The following HPS3 variants were observed in gnomAD, a reference collection of about 807,000 sequenced individuals.
HPS3 encodes BLOC-2 complex member HPS3.
Under a neutral mutation model 110.9 loss-of-function variants are expected in HPS3, and 79 were observed. The observed-to-expected ratio is 0.71, with a 90% CI of 0.59 to 0.86. The LOEUF (loss-of-function observed/expected upper bound fraction) is 0.86. Ranked by LOEUF, HPS3 falls within the 40% of genes least tolerant of loss-of-function variation. The probability of loss-of-function intolerance (pLI) is 0.00; values close to 1 mark genes in which losing one functional copy is unlikely to be tolerated. For missense variants in HPS3, 1,197 were observed against 1,206.2 expected (o/e 0.99, Z 0.11); for synonymous variants, 428 against 451.0 (o/e 0.95, Z 0.65).
rs748434915 is a variant in HPS3 at position 149,140,023 on chromosome 3, TGAA to T, written c.240_242del (p.Glu81del). ...TCTCAGGAGATTATTTGGTAGCAAT[TGAA>T]GAGAAAAACAAAGCTACATTTCTAC... is the stretch of plus-strand genomic sequence containing the variant. On this transcript the variant is annotated inframe_deletion, in exon 2 of 17. Coordinates refer to ENST00000296051, the MANE Select transcript of HPS3 (RefSeq NM_032383.5). 1.2e-6 allele frequency: 2 copies of T among 1,613,118 alleles called. No individual in the cohort carries two copies. Among genetic ancestry groups the T allele is most frequent in the Admixed American group, 3.3e-5 (2 of 59,890 alleles).
At chr3:149,145,585 T>C (rs751825965) in intron 5 of HPS3, 39 bp downstream of exon 5, 1 of 1,537,942 alleles carries the variant, frequency 6.5e-7, no homozygotes. Context: ...GTGAGTCACT[T>C]ATTTGTAAAT....
At chr3:149,142,727 A>G (rs1722550237) in intron 4 of HPS3, among the ~76,000 whole-genome samples, 2 of 152,214 alleles carry the variant, frequency 1.3e-5, no homozygotes, top group Admixed American at 6.5e-5. Context: ...TAGGGAACTA[A>G]CAGTGAGTGA....
chr3:149,142,715 A>G (rs1022056500), intron 4 of HPS3, among the ~76,000 whole-genome samples: 1 of 152,232 alleles, frequency 6.6e-6, no homozygotes. Context: ...TGTGCTGAAT[A>G]CTAGGGAACT....
rs1725060294 is a variant in HPS3 at position 149,172,181 on chromosome 3, C to A, written c.2974C>A (p.Pro992Thr). 1 of 1,613,134 alleles carries A rather than the reference C, an allele frequency of 6.2e-7. No individual in the cohort carries two copies. The change falls in exon 17 of 17, where the codon CCA becomes ACA. Residue 992 changes from proline (P) to threonine (T), a missense_variant. Pro to Thr is a conservative substitution (Grantham distance 38, BLOSUM62 -1). Coordinates refer to ENST00000296051, the MANE Select transcript of HPS3 (RefSeq NM_032383.5). ...AGATGGTACTGCAACATTTTTCTTG[C>A]CATATCTTCTCTATTGCAGTCGAAA... is the stretch of plus-strand genomic sequence containing the variant. ...PEDGTATFFL[P>T]YLLYCSRKKP... is the part of the protein sequence containing the mutation.
At chr3:149,163,062 A>G (rs770058731) in intron 13 of HPS3, among the ~76,000 whole-genome samples, 184 bp downstream of exon 13, 2 of 152,162 alleles carry the variant, frequency 1.3e-5, no homozygotes, top group Non-Finnish European at 2.9e-5. Flanking sequence ...ATTTTAAATA[A>G]TTTTGTACTC....
chr3:149,141,347 C>G lies in HPS3; in HGVS notation c.937C>G (p.His313Asp), dbSNP rs1722437310. Reference sequence around the variant, plus strand: ...TGTCTTGTCTGATGACATCAAGCTACATTCCCTCCAGCTGCTACCCATTTA... The same window carrying G: ...TGTCTTGTCTGATGACATCAAGCTAGATTCCCTCCAGCTGCTACCCATTTA... ...SYVLSDDIKL[H>D]SLQLLPIYQT... Residue 313 changes from histidine to aspartate, a missense_variant, in exon 4 of 17, where the codon CAT becomes GAT. Physicochemically the swap from His to Asp is moderately conservative, Grantham distance 81. Transcript: ENST00000296051. 1.2e-6 allele frequency: 2 copies of G among 1,613,820 alleles called. No individual in the cohort carries two copies. The highest frequency in any genetic ancestry group is 1.7e-5 in the Admixed American group (1 of 59,988).
chr3:149,167,334 C>A, intron 15 of HPS3, 94 bp downstream of exon 15: 2 of 944,738 alleles, frequency 2.1e-6, no homozygotes, highest in Non-Finnish European at 3.3e-6. Context: ...ACAATTTATG[C>A]TAATCCAACA....
At chr3:149,138,597 A>G (rs533473710) in intron 1 of HPS3, among the ~76,000 whole-genome samples, 3 of 152,342 alleles carry the variant, frequency 2.0e-5, no homozygotes, top group East Asian at 1.9e-4. Context: ...AGGGTATGGT[A>G]AAACATGCCA....
rs1722414894 is a variant in HPS3 at position 149,141,109 on chromosome 3, G to A, written c.805G>A (p.Gly269Arg). Residue 269 changes from glycine to arginine, a missense_variant, in exon 3 of 17, where the codon GGA becomes AGA. Physicochemically the swap from Gly to Arg is moderately radical, Grantham distance 125. Transcript: ENST00000296051. The stretch of plus-strand genomic sequence containing the variant: ...TCTTGGTGAAAAAAGTGAACAGTCT[G>A]GATTATCTGTTACACTGGAGTCTAC... The part of the protein sequence containing the change: ...ELLGEKSEQS[G>R]LSVTLESTGL... 1.9e-6 allele frequency: 3 copies of A among 1,612,940 alleles called. No individual in the cohort carries two copies. The highest frequency in any genetic ancestry group is 2.5e-6 in the Non-Finnish European group (3 of 1,179,672).
At chr3:149,149,539 G>C (rs934769363) in intron 5 of HPS3, among the ~76,000 whole-genome samples, 2 of 152,150 alleles carry the variant, frequency 1.3e-5, no homozygotes, top group African/African-American at 4.8e-5. Flanking sequence ...AGAGAGGCCT[G>C]ACTACCTCTT....
intron 16 of HPS3, among the ~76,000 whole-genome samples, chr3:149,169,749 T>C (rs1724794078): frequency 6.6e-6 from 1 of 152,222 alleles, no homozygotes; most frequent in Admixed American, 6.5e-5. Flanking sequence ...TTGGTTGTTT[T>C]AGGGAAATAT....
intron 5 of HPS3, 134 bp downstream of exon 5, chr3:149,145,680 C>G (rs1181031492): frequency 3.8e-6 from 3 of 785,062 alleles, no homozygotes; most frequent in Non-Finnish European, 6.7e-6. Flanking sequence ...CATTGTAAGT[C>G]TGTCTTTTGA....
In HPS3 at chr3:149,133,595, G is replaced by A. The variant is rs563033245; in HGVS notation, c.217+3655G>A. Among the ~76,000 whole-genome samples, 11 of 152,146 alleles carry A rather than the reference G, an allele frequency of 7.2e-5. No individual in the cohort carries two copies. The East Asian group carries it at 1.7e-3, about 24-fold the overall frequency. On this transcript the variant is annotated intron_variant, in intron 1 of 16. Coordinates refer to ENST00000296051, the MANE Select transcript of HPS3 (RefSeq NM_032383.5). ...ATTACAGGTGTGAGCCACTGTGCCC[G>A]GCCCATTGTTGTCTTATTTTAAGGA...
At chr3:149,150,345 A>T (rs934205698) in intron 5 of HPS3, among the ~76,000 whole-genome samples, 2 of 152,172 alleles carry the variant, frequency 1.3e-5, no homozygotes, top group African/African-American at 2.4e-5. Context: ...GTAGAAATGT[A>T]CACGTCCAGA....
intron 16 of HPS3, 60 bp downstream of exon 16, chr3:149,168,043 A>C (rs1229882816): frequency 3.1e-6 from 3 of 962,668 alleles, no homozygotes; most frequent in Non-Finnish European, 3.4e-6. Context: ...AATTTGGTGA[A>C]GCCTTCTTAA....
At chr3:149,152,790 G>C (rs1723213500) in intron 6 of HPS3, among the ~76,000 whole-genome samples, 1 of 152,236 alleles carries the variant, frequency 6.6e-6, no homozygotes, top group East Asian at 1.9e-4. Context: ...AAGAAGGCAG[G>C]GTCCTGGCAG....
chr3:149,167,836 T>G (rs376785970), intron 15 of HPS3, 57 bp from the exon 16 acceptor site: 1 of 1,021,380 alleles, frequency 9.8e-7, no homozygotes, highest in East Asian at 2.4e-5. Context: ...TATTCTCCTT[T>G]GAAATCTGAG....
chr3:149,158,988 T>A, intron 10 of HPS3, 142 bp downstream of exon 10: 1 of 633,974 alleles, frequency 1.6e-6, no homozygotes, highest in South Asian at 2.0e-5. Flanking sequence ...TGTGACCTTT[T>A]CTTCATTAAT....
At position 149,152,929 on chromosome 3, in the gene HPS3, C is replaced by T. The variant is rs184542003; in HGVS notation, c.1246-565C>T. 2.3e-3 allele frequency among the ~76,000 whole-genome samples: 343 copies of T among 152,300 alleles called. 2 individuals are homozygous for T. Among genetic ancestry groups the T allele is most frequent in the Middle Eastern group, 6.8e-3 (2 of 292 alleles). ...TTTACCTGACATGTCCCAGCCTGTCCGCCATTCCAGGCACTATTCGTACCT... is the reference window on the plus strand; with the variant it reads ...TTTACCTGACATGTCCCAGCCTGTCTGCCATTCCAGGCACTATTCGTACCT... On this transcript the variant is annotated intron_variant, in intron 6 of 16. Coordinates refer to ENST00000296051, the MANE Select transcript of HPS3 (RefSeq NM_032383.5).
Sources: gnomAD v4.1 joint callset for allele counts (sites outside exome capture counted in the v4.1 genomes callset) on GRCh38, gnomAD v4.1.1 for gene constraint, MANE v1.5 for transcripts, NCBI Gene and HGNC (gene_info 2026-07-23, HGNC 2026-07-21) for gene names.